The following DLGAP2 variants were observed in gnomAD, a reference collection of about 807,000 sequenced individuals.
The protein encoded by DLGAP2 is disks large-associated protein 2.
DLGAP2 carries 26 observed loss-of-function variants against 100.3 expected under a neutral mutation model. The ratio of observed to expected loss-of-function variants is 0.26; its 90% CI spans 0.19 to 0.36. The LOEUF (loss-of-function observed/expected upper bound fraction) is 0.36, where lower values mean the gene tolerates loss of function less well. Among genes scored for constraint, DLGAP2 ranks in the 10% least tolerant of loss-of-function variants. DLGAP2 has a pLI of 1.00. For synonymous variants in DLGAP2, 886 were observed against 630.1 expected (o/e 1.41, Z -6.08); for missense variants, 1,858 against 1,453.2 (o/e 1.28, Z -4.53).
intron 3 of DLGAP2, among the ~76,000 whole-genome samples, chr8:1,291,234 A>T (rs796605807): frequency 6.6e-6 from 1 of 152,222 alleles, no homozygotes; most frequent in African/African-American, 2.4e-5. Context: ...CACAGAATGG[A>T]TGGAAAATCA....
intron 3 of DLGAP2, among the ~76,000 whole-genome samples, chr8:1,356,664 G>T (rs1983530): frequency 2.0e-5 from 3 of 151,962 alleles, no homozygotes; most frequent in East Asian, 1.9e-4. Context: ...CGTGACGGTT[G>T]GTGAATGAGG....
intron 3 of DLGAP2, among the ~76,000 whole-genome samples, chr8:1,429,571 C>G (rs1318896129): frequency 6.6e-6 from 1 of 152,032 alleles, no homozygotes; most frequent in Non-Finnish European, 1.5e-5. Context: ...AACATTCTTA[C>G]AATAACAACT....
chr8:816,430 C>A (rs948057730), intron 1 of DLGAP2, among the ~76,000 whole-genome samples: 2 of 152,146 alleles, frequency 1.3e-5, no homozygotes, highest in Non-Finnish European at 2.9e-5. Context: ...GTGGGGAATT[C>A]TCTCAGCATT....
intron 2 of DLGAP2, among the ~76,000 whole-genome samples, chr8:937,847 G>A (rs959274008): frequency 2.6e-5 from 4 of 152,134 alleles, no homozygotes; most frequent in Non-Finnish European, 4.4e-5. Flanking sequence ...CTCTACGGAC[G>A]CCTCCAAGTT....
intron 1 of DLGAP2, among the ~76,000 whole-genome samples, chr8:862,326 G>T (rs1032332254): frequency 6.8e-5 from 10 of 146,444 alleles, no homozygotes; most frequent in Non-Finnish European, 1.2e-4. Context: ...TTCTTGAGAC[G>T]TAGTCTCACT....
At chr8:1,373,659 C>T (rs1002719595) in intron 3 of DLGAP2, 3 of 152,254 alleles carry the variant, frequency 2.0e-5, no homozygotes, top group Non-Finnish European at 4.4e-5. Flanking sequence ...TCTCGATCAT[C>T]AGTGAAGTCC....
chr8:837,893 G>T (rs55977623), intron 1 of DLGAP2, among the ~76,000 whole-genome samples: 70,786 of 112,874 alleles, frequency 0.63, 19,354 homozygotes, highest in East Asian at 0.97. Flanking sequence ...GTTGTTTTTT[G>T]TTTTTTTTTT....
At chr8:912,917 T>C (rs1315655161) in intron 2 of DLGAP2, among the ~76,000 whole-genome samples, 3 of 152,252 alleles carry the variant, frequency 2.0e-5, no homozygotes, top group African/African-American at 7.2e-5. Context: ...CCCGCCTTCC[T>C]CTCTGTGTAA....
In DLGAP2 at chr8:1,549,680, C is replaced by T. The variant is rs752566395; in HGVS notation, c.1227C>T (p.Leu409=). 3 of 1,544,972 alleles carry T rather than the reference C, an allele frequency of 1.9e-6. No homozygotes were observed. The South Asian group carries it at 3.5e-5, about 18-fold the overall frequency. The change falls in exon 5 of 15, where the codon CTC becomes CTT. Residue 409 remains leucine (L), a synonymous_variant. Coordinates refer to ENST00000637795, the MANE Select transcript of DLGAP2 (RefSeq NM_001346810.2). ...AKPALRPCHY[L]QVPQDEWGGY... ...CCGCCCTGAGGCCGTGCCACTACCT[C>T]CAGGTAAGCAGGCTCACGGCCCTGT...
intron 8 of DLGAP2, among the ~76,000 whole-genome samples, chr8:1,639,710 C>T (rs761867621): frequency 3.3e-5 from 5 of 152,330 alleles, no homozygotes; most frequent in South Asian, 2.1e-4. Context: ...GTGGGGCTAG[C>T]GTCAAACATC....
chr8:840,669 G>A (rs1796966752), intron 1 of DLGAP2, among the ~76,000 whole-genome samples: 2 of 132,210 alleles, frequency 1.5e-5, no homozygotes, highest in South Asian at 4.9e-4. Context: ...CTGCGAGCGC[G>A]TCCACACGGT....
At chr8:983,050 C>T (rs917619790) in intron 2 of DLGAP2, among the ~76,000 whole-genome samples, 1 of 152,190 alleles carries the variant, frequency 6.6e-6, no homozygotes, top group African/African-American at 2.4e-5. Flanking sequence ...AGCTACTATT[C>T]ACTTTTCCTG....
intron 2 of DLGAP2, among the ~76,000 whole-genome samples, chr8:1,158,547 TTCC>T (rs1796834329): frequency 6.6e-6 from 1 of 152,242 alleles, no homozygotes; most frequent in African/African-American, 2.4e-5. Flanking sequence ...AGATAGTGTT[TTCC>T]TATATATAAA....
intron 5 of DLGAP2, among the ~76,000 whole-genome samples, chr8:1,555,529 G>C (rs538292327): frequency 2.7e-4 from 41 of 152,338 alleles, no homozygotes; most frequent in Non-Finnish European, 5.0e-4. Flanking sequence ...CCGTCACACA[G>C]GGCTTGGCAG....
chr8:1,548,759 GC>G lies in DLGAP2; in HGVS notation c.311del (p.Pro104ArgfsTer19). ...LCSGHTCGLA[P>X]PEDCEHLHHG... The stretch of plus-strand genomic sequence containing the variant: ...GTTCCGGGCACACGTGTGGTCTGGC[GC>G]CCCCGGAGGACTGCGAGCACCTGCA... On this transcript the variant is annotated frameshift_variant, in exon 5 of 15. Transcript: ENST00000637795. LOFTEE classifies it high-confidence loss of function. 6.2e-7 allele frequency: 1 copy of G among 1,600,978 alleles called. No individual in the cohort carries two copies. Among genetic ancestry groups the G allele is most frequent in the African/African-American group, 1.3e-5 (1 of 74,728 alleles).
intron 2 of DLGAP2, among the ~76,000 whole-genome samples, chr8:1,104,239 G>A (rs983337064): frequency 1.3e-5 from 2 of 152,126 alleles, no homozygotes; most frequent in Non-Finnish European, 2.9e-5. Flanking sequence ...GGAGAGGGGC[G>A]TGCACTGGAT....
At chr8:883,990 A>C (rs1017405802) in intron 1 of DLGAP2, among the ~76,000 whole-genome samples, 4 of 152,232 alleles carry the variant, frequency 2.6e-5, no homozygotes, top group African/African-American at 9.6e-5. Flanking sequence ...TTATAGCTGC[A>C]TAGTATTCCA....
chr8:1,691,362 G>C (rs113039014), intron 12 of DLGAP2, among the ~76,000 whole-genome samples, 173 bp from the exon 13 acceptor site: 2 of 152,186 alleles, frequency 1.3e-5, no homozygotes, highest in Non-Finnish European at 2.9e-5. Context: ...TCCTTCATGA[G>C]TTGGGGACGA....
chr8:1,200,808 A>G (rs1585146225), intron 2 of DLGAP2, among the ~76,000 whole-genome samples: 1 of 152,328 alleles, frequency 6.6e-6, no homozygotes, highest in East Asian at 1.9e-4. Flanking sequence ...CTCTGAGAGA[A>G]TGGAGAGTGG....
Sources: gnomAD v4.1 joint callset for allele counts (sites outside exome capture counted in the v4.1 genomes callset) on GRCh38, gnomAD v4.1.1 for gene constraint, MANE v1.5 for transcripts, NCBI Gene and HGNC (gene_info 2026-07-23, HGNC 2026-07-21) for gene names.